The following MADD variants were observed in gnomAD, a reference collection of about 807,000 sequenced individuals.
The protein encoded by MADD is MAP kinase activating death domain, also known as MAP kinase-activating death domain protein.
Under a neutral mutation model 176.7 loss-of-function variants are expected in MADD, and 109 were observed. The ratio of observed to expected loss-of-function variants is 0.62; its 90% CI spans 0.53 to 0.72. The LOEUF is 0.72. Among genes scored for constraint, MADD ranks in the 30% least tolerant of loss-of-function variants. The probability of loss-of-function intolerance (pLI) is 0.00; values close to 1 mark genes in which losing one functional copy is unlikely to be tolerated. For synonymous variants in MADD, 771 were observed against 771.3 expected (o/e 1.00, Z 0.01); for missense variants, 1,914 against 2,045.5 (o/e 0.94, Z 1.24).
chr11:47,282,761 T>C, intron 9 of MADD, 52 bp from the exon 10 acceptor site: 1 of 1,604,004 alleles, frequency 6.2e-7, no homozygotes. Flanking sequence ...CAGGCGTTGC[T>C]TGCCTTTTTT....
At chr11:47,283,806 C>A (rs981419793) in intron 10 of MADD, among the ~76,000 whole-genome samples, 2 of 152,168 alleles carry the variant, frequency 1.3e-5, no homozygotes, top group Non-Finnish European at 2.9e-5. Context: ...CTCATGCCTT[C>A]AAGCAATTCG....
In MADD at chr11:47,324,252, C is replaced by T. The variant is rs1369460367; in HGVS notation, c.4363-13C>T. 5 of 1,613,536 alleles carry T rather than the reference C, an allele frequency of 3.1e-6. No homozygotes were observed. In the South Asian group the frequency reaches 4.4e-5, roughly 14 times the overall value. On this transcript the variant is annotated splice_polypyrimidine_tract_variant and intron_variant, in intron 28 of 32. Transcript: ENST00000402192. ...AGCCCTCATGATGGGACCACTCTCCCCCTGTGCCACAGTGTCGGGAGCTGT... is the reference window on the plus strand; with the variant it reads ...AGCCCTCATGATGGGACCACTCTCCTCCTGTGCCACAGTGTCGGGAGCTGT...
intron 30 of MADD, chr11:47,324,998 T>C: frequency 1.8e-6 from 1 of 550,882 alleles, no homozygotes; most frequent in Non-Finnish European, 3.3e-6. Flanking sequence ...GCGTGCAGCT[T>C]GCGTGTGCGT....
chr11:47,299,438 C>A (rs377681781), intron 22 of MADD, among the ~76,000 whole-genome samples: 10 of 151,766 alleles, frequency 6.6e-5, no homozygotes, highest in Non-Finnish European at 1.3e-4. Context: ...TTGTGGCTAT[C>A]GTAAATGAGA....
intron 27 of MADD, among the ~76,000 whole-genome samples, chr11:47,316,810 C>G (rs775613172): frequency 1.4e-4 from 21 of 152,110 alleles, no homozygotes; most frequent in Non-Finnish European, 2.6e-4. Context: ...GTGGTCCAAA[C>G]TCAGCTCACT....
chr11:47,292,836 G>C (rs1036276980), intron 19 of MADD, among the ~76,000 whole-genome samples: 5 of 152,088 alleles, frequency 3.3e-5, no homozygotes, highest in Non-Finnish European at 5.9e-5. Context: ...CCAGAACTTG[G>C]TTCTCTGTTG....
At chr11:47,309,432 G>C in intron 24 of MADD, 31 bp downstream of exon 27, 1 of 1,614,020 alleles carries the variant, frequency 6.2e-7, no homozygotes, top group South Asian at 1.1e-5. Flanking sequence ...TTGGGAATCA[G>C]CAAACTCAGC....
At chr11:47,309,120 CT>C in intron 23 of MADD, 78 bp downstream of exon 26, 1 of 1,560,852 alleles carries the variant, frequency 6.4e-7, no homozygotes, top group Non-Finnish European at 8.8e-7. Context: ...GCATCTGGGG[CT>C]GGTGGCAGGC....
Position 47,285,261 on chromosome 11 carries a change from G to C in MADD, c.2411+67G>C, listed in dbSNP as rs934740237. ...CCTCACCTCAGTGGACCCTGGGCAA[G>C]GGTTAATCAGAAAGTCTGAGAAGTC... On this transcript the variant is annotated intron_variant, in intron 13 of 32. Coordinates refer to ENST00000402192, the Ensembl canonical transcript of MADD. 9.5e-6 allele frequency: 15 copies of C among 1,578,982 alleles called. No individual in the cohort carries two copies. The African/African-American group carries it at 2.0e-4, about 21-fold the overall frequency.
intron 2 of MADD, 28 bp downstream of exon 2, chr11:47,274,004 T>G: frequency 6.2e-7 from 1 of 1,605,624 alleles, no homozygotes; most frequent in Non-Finnish European, 8.5e-7. Flanking sequence ...GACTTTTGTC[T>G]TAATATCTGG....
intron 22 of MADD, among the ~76,000 whole-genome samples, chr11:47,305,586 ACT>A (rs1017762608): frequency 6.6e-5 from 10 of 152,000 alleles, no homozygotes; most frequent in African/African-American, 2.4e-4. Flanking sequence ...TGTAGTAGTG[ACT>A]CTAGACTCCA....
chr11:47,284,195 A>G, exon 11 of MADD: 2 of 1,613,616 alleles, frequency 1.2e-6, no homozygotes, highest in Middle Eastern at 1.6e-4. Flanking sequence ...GATAGTATGG[A>G]TTATGACGAT....
At chr11:47,317,160 A>G (rs931898346) in intron 27 of MADD, among the ~76,000 whole-genome samples, 2 of 152,060 alleles carry the variant, frequency 1.3e-5, no homozygotes, top group Admixed American at 1.3e-4. Context: ...AAGCTTTCCC[A>G]TTGGTTTTAT....
chr11:47,274,522 C>A, intron 2 of MADD, 41 bp from the exon 3 acceptor site: 1 of 1,492,404 alleles, frequency 6.7e-7, no homozygotes, highest in African/African-American at 1.4e-5. Context: ...ATAGCCCATT[C>A]CATCCCTTCA....
At chr11:47,290,199 A>G in exon 18 of MADD, 2 of 1,614,198 alleles carry the variant, frequency 1.2e-6, no homozygotes, top group Non-Finnish European at 8.5e-7. Context: ...TCAAGTGTAC[A>G]GTCCTCAGCT....
rs949836031 is a variant in MADD at position 47,292,473 on chromosome 11, T to C, written c.3302-1410T>C. The stretch of plus-strand genomic sequence containing the variant: ...CTGAATCGACTTGGGTGGGTGGGTT[T>C]CCATTTCGTCTGTCTGACCAGCCTC... On this transcript the variant is annotated intron_variant, in intron 19 of 32. Transcript: ENST00000402192. 1.4e-5 allele frequency: 20 copies of C among 1,440,950 alleles called. No homozygotes were observed. The African/African-American group carries it at 2.7e-4, about 19-fold the overall frequency. 89.3% of individuals were successfully genotyped at this position (1,440,950 alleles called of 1,614,324 possible).
chr11:47,290,109 A>G (rs374449431), intron 17 of MADD, 40 bp from the exon 19 acceptor site: 1 of 1,612,648 alleles, frequency 6.2e-7, no homozygotes, highest in Non-Finnish European at 8.5e-7. Flanking sequence ...TGAACACCAC[A>G]GGCAATTTGC....
chr11:47,295,671 GT>G, intron 21 of MADD, 92 bp downstream of exon 23: 1 of 1,590,680 alleles, frequency 6.3e-7, no homozygotes, highest in South Asian at 1.1e-5. Flanking sequence ...GCTGCTCTGA[GT>G]CTCAGGTCAG....
At chr11:47,329,144 T>C in exon 33 of MADD, 1 of 1,612,988 alleles carries the variant, frequency 6.2e-7, no homozygotes, top group Non-Finnish European at 8.5e-7. Context: ...GGCCTGTCTC[T>C]AGCTGATGGA....
Sources: gnomAD v4.1 joint callset for allele counts (sites outside exome capture counted in the v4.1 genomes callset) on GRCh38, gnomAD v4.1.1 for gene constraint, MANE v1.5 for transcripts, NCBI Gene and HGNC (gene_info 2026-07-23, HGNC 2026-07-21) for gene names.